The following ANKS1A variants were observed in gnomAD, a reference collection of about 807,000 sequenced individuals.
ANKS1A encodes ankyrin repeat and sterile alpha motif domain containing 1A.
In ANKS1A, 55 loss-of-function variants were observed where a neutral mutation model predicts 120.3. The ratio of observed to expected loss-of-function variants is 0.46; its 90% CI spans 0.37 to 0.57. The LOEUF (loss-of-function observed/expected upper bound fraction) is 0.57. Ranked by LOEUF, ANKS1A falls within the 20% of genes least tolerant of loss-of-function variation. The pLI is 0.00. For synonymous variants in ANKS1A, 590 were observed against 604.7 expected (o/e 0.98, Z 0.36); for missense variants, 1,123 against 1,480.3 (o/e 0.76, Z 3.96).
intron 10 of ANKS1A, among the ~76,000 whole-genome samples, chr6:34,995,482 A>T (rs1191073032): frequency 6.6e-6 from 1 of 152,104 alleles, no homozygotes; most frequent in Non-Finnish European, 1.5e-5. Context: ...GTGAATTTTG[A>T]CAGATGGAGT....
At chr6:34,945,521 C>T (rs910667482) in intron 1 of ANKS1A, among the ~76,000 whole-genome samples, 3 of 152,196 alleles carry the variant, frequency 2.0e-5, no homozygotes, top group African/African-American at 7.2e-5. Flanking sequence ...GCTCCTTTGT[C>T]AAAGATCAGT....
chr6:34,982,328 C>T lies in ANKS1A; in HGVS notation c.732+342C>T, dbSNP rs141966906. Among the ~76,000 whole-genome samples, 31 of 152,336 alleles carry T rather than the reference C, an allele frequency of 2.0e-4. No homozygotes were observed. The highest frequency in any genetic ancestry group is 3.3e-4 in the Admixed American group (5 of 15,304). ...CGCCTCCACAGTCTCATCAGCTTGACGTTGCCAGCAAGAAATGTCACATTT... is the reference window on the plus strand; with the variant it reads ...CGCCTCCACAGTCTCATCAGCTTGATGTTGCCAGCAAGAAATGTCACATTT... On this transcript the variant is annotated intron_variant, in intron 4 of 23. Coordinates refer to ENST00000360359, the MANE Select transcript of ANKS1A (RefSeq NM_015245.3). This position sits in a 1 kb window ranked among gnomAD's most constrained non-coding sequence, Gnocchi z 4.9.
At chr6:34,974,280 CCCCTTCCCCTT>C (rs1771424763) in intron 3 of ANKS1A, among the ~76,000 whole-genome samples, 1 of 26,218 alleles carries the variant, frequency 3.8e-5, no homozygotes, top group African/African-American at 1.7e-4. Flanking sequence ...CCCTTCCCTT[CCCCTTCCCCTT>C]CCCTTCCCCT....
chr6:35,090,771 C>T lies in ANKS1A; in HGVS notation c.*2162C>T, dbSNP rs763830646. On this transcript the variant is annotated 3_prime_UTR_variant, in exon 24 of 24. Coordinates refer to ENST00000360359, the MANE Select transcript of ANKS1A (RefSeq NM_015245.3). ...AGGTCACACCAGGGGCAGACCCTGT[C>T]GCTGCGTTTCTGAACTGTGAAGGAG... is the stretch of plus-strand genomic sequence containing the variant. The T allele has an allele frequency of 2.3e-5, 23 of 985,952 alleles. 1 individual carries two copies. The highest frequency in any genetic ancestry group is 2.3e-4 in the East Asian group (2 of 8,820). The allele number at this position is 985,952 out of a possible 1,614,324, so 61.1% of individuals were successfully genotyped here.
rs183586208 is a variant in ANKS1A at position 34,896,513 on chromosome 6, A to C, written c.197+6914A>C. On this transcript the variant is annotated intron_variant, in intron 1 of 23. Coordinates refer to ENST00000360359, the MANE Select transcript of ANKS1A (RefSeq NM_015245.3). ...CCCATGTTAAAAAACAAAAGGAAACAAAAAAAGGTAACATGCTTGGAAATG... is the reference window on the plus strand; with the variant it reads ...CCCATGTTAAAAAACAAAAGGAAACCAAAAAAGGTAACATGCTTGGAAATG... Among the ~76,000 whole-genome samples, 89 of 152,322 alleles carry C rather than the reference A, an allele frequency of 5.8e-4. 1 individual carries two copies. The highest frequency in any genetic ancestry group is 2.0e-3 in the African/African-American group (84 of 41,572).
chr6:35,042,910 T>C (rs1043408921), intron 11 of ANKS1A, among the ~76,000 whole-genome samples: 3 of 152,248 alleles, frequency 2.0e-5, no homozygotes, highest in Non-Finnish European at 4.4e-5. Context: ...GCCATTTCCA[T>C]AATTAATTGT....
In ANKS1A at chr6:35,091,266, A is replaced by G; in HGVS notation, c.*2657A>G. The G allele has an allele frequency of 1.0e-6, 1 of 985,904 alleles. No individual in the cohort carries two copies. The highest frequency in any genetic ancestry group is 1.2e-6 in the Non-Finnish European group (1 of 829,948). 61.1% of individuals were successfully genotyped at this position (985,904 alleles called of 1,614,324 possible). On this transcript the variant is annotated 3_prime_UTR_variant, in exon 24 of 24. Coordinates refer to ENST00000360359, the MANE Select transcript of ANKS1A (RefSeq NM_015245.3). Reference sequence around the variant, plus strand: ...CACTTTGAGGTACCAAACATAACCAATCTGTGCAACAACATAGACTGACCT... The same window carrying G: ...CACTTTGAGGTACCAAACATAACCAGTCTGTGCAACAACATAGACTGACCT...
chr6:35,061,908 C>T (rs908836844), intron 13 of ANKS1A, among the ~76,000 whole-genome samples: 1 of 152,152 alleles, frequency 6.6e-6, no homozygotes, highest in Non-Finnish European at 1.5e-5. Context: ...TCAGGCTGGC[C>T]GTCAGATGGG....
intron 11 of ANKS1A, among the ~76,000 whole-genome samples, chr6:35,033,704 G>T (rs955981432): frequency 3.9e-5 from 6 of 152,226 alleles, no homozygotes; most frequent in African/African-American, 1.4e-4. Context: ...CGCTGACAAA[G>T]ATTCCAATGT....
At chr6:34,976,140 A>AAAAAAAAAG (rs1771567110) in intron 3 of ANKS1A, among the ~76,000 whole-genome samples, 1 of 150,396 alleles carries the variant, frequency 6.6e-6, no homozygotes, top group Non-Finnish European at 1.5e-5. Flanking sequence ...CCATCTCAAA[A>AAAAAAAAAG]AAAAAAAAAA....
rs112200422 is a variant in ANKS1A at position 34,965,433 on chromosome 6, C to T, written c.198-1806C>T. 4.6e-3 allele frequency among the ~76,000 whole-genome samples: 702 copies of T among 151,620 alleles called. 4 individuals are homozygous for T. Among genetic ancestry groups the T allele is most frequent in the African/African-American group, 0.015 (635 of 41,330 alleles). On this transcript the variant is annotated intron_variant, in intron 1 of 23. Coordinates refer to ENST00000360359, the MANE Select transcript of ANKS1A (RefSeq NM_015245.3). ...GTGGCACGATCTTGGCTCACTGCAG[C>T]CTTCGCATTCCAGGTTCAAGCAATT...
chr6:34,930,670 G>A (rs1390659134), intron 1 of ANKS1A, among the ~76,000 whole-genome samples: 1 of 151,882 alleles, frequency 6.6e-6, no homozygotes, highest in African/African-American at 2.4e-5. Context: ...CTCTGTTTTT[G>A]TGCAGTTCCT....
At chr6:34,926,663 AAAAGGTG>A (rs1369461924) in intron 1 of ANKS1A, among the ~76,000 whole-genome samples, 12 of 152,158 alleles carry the variant, frequency 7.9e-5, no homozygotes, top group Admixed American at 6.5e-5. Context: ...GATGTTATTT[AAAAGGTG>A]CAATGGCTCA....
In ANKS1A at chr6:34,997,403, C is replaced by A. The variant is rs142552297; in HGVS notation, c.1423+2981C>A. Among the ~76,000 whole-genome samples the A allele has an allele frequency of 7.9e-5, 12 of 151,968 alleles. No homozygotes were observed. In the East Asian group the frequency reaches 2.1e-3, roughly 27 times the overall value. On this transcript the variant is annotated intron_variant, in intron 10 of 23. Transcript: ENST00000360359. Reference sequence around the variant, plus strand: ...TAGAGATGGGGTTTTGCCGTGTTGGCCAGGCTGATCTCGAACTCCTGAACT... The same window carrying A: ...TAGAGATGGGGTTTTGCCGTGTTGGACAGGCTGATCTCGAACTCCTGAACT...
chr6:34,935,829 G>T (rs190969986), intron 1 of ANKS1A, among the ~76,000 whole-genome samples: 1 of 151,818 alleles, frequency 6.6e-6, no homozygotes. Context: ...TTGGGAGGCC[G>T]AGGCGGGCGG....
chr6:34,964,150 C>T (rs1265060992), intron 1 of ANKS1A, among the ~76,000 whole-genome samples: 5 of 152,118 alleles, frequency 3.3e-5, no homozygotes, highest in African/African-American at 1.2e-4. Flanking sequence ...CGATTCTAAA[C>T]CTAATATCTA....
intron 23 of ANKS1A, 121 bp from the exon 24 acceptor site, chr6:35,088,485 G>A (rs556433803): frequency 7.8e-7 from 1 of 1,285,450 alleles, no homozygotes; most frequent in East Asian, 2.3e-5. Context: ...GGCATGGAGG[G>A]TGCCCCGGGG....
At chr6:34,979,155 A>G (rs1196601794) in intron 3 of ANKS1A, among the ~76,000 whole-genome samples, 1 of 152,084 alleles carries the variant, frequency 6.6e-6, no homozygotes, top group East Asian at 1.9e-4. Flanking sequence ...TCAGCCTTCC[A>G]AAGTGCTAGG....
chr6:35,073,042 T>C (rs1046784871), intron 13 of ANKS1A, among the ~76,000 whole-genome samples: 2 of 151,402 alleles, frequency 1.3e-5, no homozygotes, highest in Admixed American at 6.6e-5. Context: ...CCTCAGTTTC[T>C]TTCTGTGTAA....
Sources: allele counts gnomAD v4.1 joint callset (sites outside exome capture counted in the v4.1 genomes callset), GRCh38; gene constraint gnomAD v4.1.1; non-coding constraint Gnocchi (gnomAD v3.1); transcripts MANE v1.5; gene names NCBI Gene and HGNC (gene_info 2026-07-23, HGNC 2026-07-21).